Variants in BMPR1B observed in about 807,000 individuals in gnomAD.
BMPR1B encodes bone morphogenetic protein receptor type-1B.
A neutral mutation model predicts 59.1 loss-of-function variants in BMPR1B; 12 were observed. The ratio of observed to expected loss-of-function variants is 0.20; its 90% CI spans 0.13 to 0.33. BMPR1B has a LOEUF of 0.33. Ranked by LOEUF, BMPR1B falls within the 10% of genes least tolerant of loss-of-function variation. BMPR1B has a pLI of 1.00. For missense variants in BMPR1B, 550 were observed against 610.9 expected, an observed-to-expected ratio of 0.90 and a Z score of 1.05; for synonymous variants, 237 against 207.3, an observed-to-expected ratio of 1.14 and a Z score of -1.23.
intron 2 of BMPR1B, among the ~76,000 whole-genome samples, chr4:94,935,745 A>G (rs984112628): frequency 4.6e-5 from 7 of 152,212 alleles, no homozygotes; most frequent in Non-Finnish European, 1.0e-4. Flanking sequence ...ACTTTACCTG[A>G]AAGAATATAC....
intron 1 of BMPR1B, among the ~76,000 whole-genome samples, chr4:94,827,677 C>T (rs538175904): frequency 6.6e-6 from 1 of 152,290 alleles, no homozygotes; most frequent in South Asian, 2.1e-4. Context: ...TGGCAGCCAG[C>T]AGTGCCTAGC....
chr4:94,883,145 C>T (rs1727047262), intron 2 of BMPR1B, among the ~76,000 whole-genome samples: 1 of 152,096 alleles, frequency 6.6e-6, no homozygotes, highest in South Asian at 2.1e-4. Flanking sequence ...GCTCACCTCC[C>T]TTCTTCCACT....
chr4:94,900,117 AT>A (rs3836568), intron 2 of BMPR1B, among the ~76,000 whole-genome samples: 213 of 147,214 alleles, frequency 1.4e-3, no homozygotes, highest in South Asian at 6.9e-3. Context: ...TGAAAACAGG[AT>A]TTTTTTTTTT....
At chr4:94,925,180 A>T (rs1315550987) in intron 2 of BMPR1B, among the ~76,000 whole-genome samples, 5 of 152,138 alleles carry the variant, frequency 3.3e-5, no homozygotes, top group Admixed American at 1.3e-4. Context: ...TCCAAGCATG[A>T]CATTAAGAAT....
chr4:95,070,273 A>G (rs1728180352), intron 3 of BMPR1B, among the ~76,000 whole-genome samples: 3 of 152,160 alleles, frequency 2.0e-5, no homozygotes, highest in Admixed American at 6.6e-5. Flanking sequence ...AACGTCATCA[A>G]TGGTGAGAGG....
chr4:94,780,407 T>G (rs1302137992), intron 1 of BMPR1B, among the ~76,000 whole-genome samples: 1 of 152,198 alleles, frequency 6.6e-6, no homozygotes, highest in South Asian at 2.1e-4. Context: ...ACTATATATT[T>G]ATACATTCAT....
chr4:95,068,871 C>T (rs1211317517), intron 3 of BMPR1B, among the ~76,000 whole-genome samples: 3 of 152,160 alleles, frequency 2.0e-5, no homozygotes, highest in Middle Eastern at 3.2e-3. Context: ...CTTCAAAGTA[C>T]AGCAAGTCCT....
chr4:95,017,694 C>T (rs1723677445), intron 3 of BMPR1B, among the ~76,000 whole-genome samples: 1 of 152,158 alleles, frequency 6.6e-6, no homozygotes, highest in Non-Finnish European at 1.5e-5. Context: ...GTTTAATTCT[C>T]TCAGCAACTC....
rs541680174 is a variant in BMPR1B at position 94,770,350 on chromosome 4, T to G, written c.-183+12282T>G. 2.6e-5 allele frequency among the ~76,000 whole-genome samples: 4 copies of G among 152,182 alleles called. No individual in the cohort carries two copies. In the East Asian group the frequency reaches 7.7e-4, roughly 29 times the overall value. ...CCATATTTTCTATTCTCTAGTGATG[T>G]CTGTGTCATTGTTAGCTTTTTTGGC... On this transcript the variant is annotated intron_variant, in intron 1 of 12. Coordinates refer to ENST00000515059, the MANE Select transcript of BMPR1B (RefSeq NM_001203.3).
At chr4:94,797,466 T>C (rs1723239089) in intron 1 of BMPR1B, among the ~76,000 whole-genome samples, 1 of 152,234 alleles carries the variant, frequency 6.6e-6, no homozygotes, top group South Asian at 2.1e-4. Context: ...TAAACTGAGG[T>C]AATGTGATTG....
In BMPR1B at chr4:95,107,265, G is replaced by A. The variant is rs562469297; in HGVS notation, c.143+2698G>A. Among the ~76,000 whole-genome samples, 5 of 152,116 alleles carry A rather than the reference G, an allele frequency of 3.3e-5. No homozygotes were observed. In the South Asian group the frequency reaches 1.0e-3, roughly 32 times the overall value. The stretch of plus-strand genomic sequence containing the variant: ...CAGGTTTACTTAGAGAGGTAGTAAG[G>A]TCAGCTATGTTGGATCTATTAGAGA... On this transcript the variant is annotated intron_variant, in intron 4 of 12. Transcript: ENST00000515059.
At chr4:95,140,493 A>G (rs137873011) in intron 10 of BMPR1B, among the ~76,000 whole-genome samples, 1,611 of 152,202 alleles carry the variant, frequency 0.011, 12 homozygotes, top group Non-Finnish European at 0.017. Context: ...CACAGTCCCT[A>G]GCTTGGAAAG....
chr4:94,915,026 T>A (rs1162995137), intron 2 of BMPR1B, among the ~76,000 whole-genome samples: 1 of 152,166 alleles, frequency 6.6e-6, no homozygotes, highest in Non-Finnish European at 1.5e-5. Flanking sequence ...GCAGGTTTGC[T>A]ATAGAAGATC....
At chr4:94,989,145 C>T (rs565442887) in intron 2 of BMPR1B, among the ~76,000 whole-genome samples, 32 of 152,212 alleles carry the variant, frequency 2.1e-4, no homozygotes, top group African/African-American at 7.5e-4. Context: ...AATCCCAGCA[C>T]TTTGGGAGGC....
Position 95,098,799 on chromosome 4 carries a change from C to A in BMPR1B, c.-17-5609C>A, listed in dbSNP as rs192353852. Among the ~76,000 whole-genome samples, 6 of 152,186 alleles carry A rather than the reference C, an allele frequency of 3.9e-5. No homozygotes were observed. The East Asian group carries it at 1.2e-3, about 29-fold the overall frequency. On this transcript the variant is annotated intron_variant, in intron 3 of 12. Transcript: ENST00000515059. The stretch of plus-strand genomic sequence containing the variant: ...TGGCGCGATCTGGGCTCACTGCAAG[C>A]TCCACCTCCCAGGTTCACACCATTC...
Position 94,893,473 on chromosome 4 carries a change from T to C in BMPR1B, c.-113+17573T>C, listed in dbSNP as rs188254692. Reference sequence around the variant, plus strand: ...CAAGAAGAAATACGTGCATATGTTCTTAGAGAAAATATGACTTCTCTTGTT... The same window carrying C: ...CAAGAAGAAATACGTGCATATGTTCCTAGAGAAAATATGACTTCTCTTGTT... On this transcript the variant is annotated intron_variant, in intron 2 of 12. Transcript: ENST00000515059. 3.9e-3 allele frequency among the ~76,000 whole-genome samples: 601 copies of C among 152,196 alleles called. 10 individuals are homozygous for C. Among genetic ancestry groups the C allele is most frequent in the Non-Finnish European group, 2.9e-3 (198 of 67,978 alleles).
intron 1 of BMPR1B, among the ~76,000 whole-genome samples, chr4:94,802,497 G>A (rs1723445304): frequency 6.6e-6 from 1 of 152,182 alleles, no homozygotes; most frequent in African/African-American, 2.4e-5. Context: ...AATAGAGAAG[G>A]CGTTGTGGTG....
intron 6 of BMPR1B, among the ~76,000 whole-genome samples, chr4:95,117,304 T>C (rs1451210934): frequency 1.3e-5 from 2 of 152,202 alleles, no homozygotes; most frequent in Non-Finnish European, 2.9e-5. Context: ...CTTCCAACTT[T>C]AAAGATAAGG....
intron 1 of BMPR1B, among the ~76,000 whole-genome samples, chr4:94,861,977 T>C (rs1294369465): frequency 6.6e-6 from 1 of 152,204 alleles, no homozygotes; most frequent in Non-Finnish European, 1.5e-5. Flanking sequence ...TATTTGACTT[T>C]AGTTGTAAGG....
Sources: allele counts gnomAD v4.1 joint callset (sites outside exome capture counted in the v4.1 genomes callset), GRCh38; gene constraint gnomAD v4.1.1; transcripts MANE v1.5; gene names NCBI Gene and HGNC (gene_info 2026-07-23, HGNC 2026-07-21).